TRRAP: variants seen among roughly 807,000 people sequenced by gnomAD.
The protein encoded by TRRAP is transformation/transcription domain-associated protein.
TRRAP carries 41 observed loss-of-function variants against 438.8 expected under a neutral mutation model. The observed-to-expected ratio is 0.09, with a 90% confidence interval of 0.07 to 0.12. The LOEUF (loss-of-function observed/expected upper bound fraction) is 0.12. Among genes scored for constraint, TRRAP ranks in the 10% least tolerant of loss-of-function variants. The probability of loss-of-function intolerance (pLI) is 1.00; values close to 1 mark genes in which losing one functional copy is unlikely to be tolerated. For missense variants in TRRAP, 3,122 were observed against 5,055.1 expected, an observed-to-expected ratio of 0.62 and a Z score of 11.60; for synonymous variants, 1,994 against 1,962.9, an observed-to-expected ratio of 1.02 and a Z score of -0.42.
rs1789497412 is a variant in TRRAP, at chr7:98,915,853, A to G, written c.2330A>G (p.Gln777Arg). 1 of 1,614,064 alleles carries G rather than the reference A, an allele frequency of 6.2e-7. No homozygotes were observed. The highest frequency in any genetic ancestry group is 8.5e-7 in the Non-Finnish European group (1 of 1,180,036). Residue 777 changes from glutamine (Q) to arginine (R), a missense_variant, in exon 19 of 73, where the codon CAG (glutamine) becomes CGG (arginine). Gln to Arg is a conservative substitution (Grantham distance 43). Transcript: ENST00000456197. ...GGAGGTAGCCACGATCTCTTGTATCAGGAGTTCTTGCCTCTCCTTCCAAAC... is the reference window on the plus strand; with the variant it reads ...GGAGGTAGCCACGATCTCTTGTATCGGGAGTTCTTGCCTCTCCTTCCAAAC... ...IGGGSHDLLYQEFLPLLPNLL... is the reference protein window; with the variant it reads ...IGGGSHDLLYREFLPLLPNLL...
At chr7:98,999,429 T>G in intron 67 of TRRAP, 2 of 1,019,710 alleles carry the variant, frequency 2.0e-6, no homozygotes, top group Admixed American at 3.6e-5. Context: ...TCCTCCAAAA[T>G]CTAGCTCTGA....
At chr7:98,911,774 C>CAA (rs113146131) in intron 17 of TRRAP, among the ~76,000 whole-genome samples, 1,112 of 91,396 alleles carry the variant, frequency 0.012, 10 homozygotes, top group African/African-American at 0.034. Flanking sequence ...CTCAAAATCT[C>CAA]AAAAAAAAAA....
At chr7:98,893,386 C>T (rs1162464494) in intron 5 of TRRAP, among the ~76,000 whole-genome samples, 22 of 152,192 alleles carry the variant, frequency 1.4e-4, no homozygotes, top group African/African-American at 4.8e-4. Context: ...GATATCATGC[C>T]CTCACAGGTC....
chr7:98,985,528 A>G (rs1479743151), intron 62 of TRRAP, among the ~76,000 whole-genome samples: 1 of 152,232 alleles, frequency 6.6e-6, no homozygotes. Flanking sequence ...TAGGAATCGT[A>G]TGGTCTGCAG....
chr7:98,893,230 G>T (rs1215270833), intron 5 of TRRAP, among the ~76,000 whole-genome samples: 13 of 152,186 alleles, frequency 8.5e-5, no homozygotes, highest in Admixed American at 8.5e-4. Flanking sequence ...GATTACAGGC[G>T]TGAGCCACCT....
Position 98,937,536 on chromosome 7 carries a change from T to G in TRRAP, c.4234-114T>G, listed in dbSNP as rs1378058031. ...TTCTGAAATAGTATATGATTAATAT[T>G]CCATCTTCCTAAAGGAGAACGGAAA... On this transcript the variant is annotated intron_variant, in intron 29 of 72. Transcript: ENST00000456197. 2.5e-6 allele frequency: 3 copies of G among 1,207,128 alleles called. No individual in the cohort carries two copies. In the Admixed American group the frequency reaches 9.2e-5, roughly 37 times the overall value. 74.8% of individuals were successfully genotyped at this position (1,207,128 alleles called of 1,614,324 possible).
At chr7:98,907,777 G>A (rs1339540055) in intron 13 of TRRAP, among the ~76,000 whole-genome samples, 9 of 148,336 alleles carry the variant, frequency 6.1e-5, no homozygotes, top group Admixed American at 5.4e-4. Context: ...GCTGCAGCAC[G>A]CCGCCCCCTA....
Position 98,917,408 on chromosome 7 carries a change from C to T in TRRAP, c.2366-15C>T. The T allele has an allele frequency of 2.5e-6, 4 of 1,611,074 alleles. No homozygotes were observed. The highest frequency in any genetic ancestry group is 1.1e-5 in the South Asian group (1 of 90,932). On this transcript the variant is annotated splice_polypyrimidine_tract_variant and intron_variant, in intron 19 of 72. Coordinates refer to ENST00000456197, the MANE Select transcript of TRRAP (RefSeq NM_001375524.1). ...GAGCGTCTTCCCTCTCTGATAGCTG[C>T]ACCCCCTTCCCTAGGGCTGAACATG... is the stretch of plus-strand genomic sequence containing the variant.
At position 98,949,447 on chromosome 7, in the gene TRRAP, C is replaced by T. The variant is rs1554417633; in HGVS notation, c.4819C>T (p.Leu1607=). 1 of 1,599,790 alleles carries T rather than the reference C, an allele frequency of 6.3e-7. No homozygotes were observed. Among genetic ancestry groups the T allele is most frequent in the East Asian group, 2.2e-5 (1 of 44,672 alleles). ...TTTAAAACACAAAGACGCCAGACCT[C>T]TGCGGGATGTGCTGGCTGCCAACCC... The part of the protein sequence containing the change: ...SFLKHKDARP[L]RDVLAANPNR... The change falls in exon 36 of 73, where the codon CTG becomes TTG. Residue 1607 remains leucine, a synonymous_variant. Transcript: ENST00000456197.
rs564995219 is a variant in TRRAP, at chr7:99,012,524, T to C, written c.*169T>C. ...CGTGTAAGAAAGGGAGAATATAGTT[T>C]TAGAGGAAGCTGAACTATGACGATG... On this transcript the variant is annotated 3_prime_UTR_variant, in exon 73 of 73. Transcript: ENST00000456197. This position sits in a 1 kb window ranked among gnomAD's most constrained non-coding sequence, Gnocchi z 5.9. 486 of 838,916 alleles carry C rather than the reference T, an allele frequency of 5.8e-4. No homozygotes were observed. Among genetic ancestry groups the C allele is most frequent in the East Asian group, 2.2e-4 (8 of 36,986 alleles). The allele number at this position is 838,916 out of a possible 1,614,324, so 52.0% of individuals were successfully genotyped here.
At chr7:98,906,091 C>T in intron 12 of TRRAP, 86 bp from the exon 13 acceptor site, 1 of 1,214,976 alleles carries the variant, frequency 8.2e-7, no homozygotes, top group Non-Finnish European at 1.2e-6. Context: ...GACTGGCGGG[C>T]TGGCTACTTC....
chr7:98,992,111 G>T (rs547944737), intron 64 of TRRAP, 26 bp from the exon 65 acceptor site: 1 of 1,610,890 alleles, frequency 6.2e-7, no homozygotes, highest in African/African-American at 1.3e-5. Flanking sequence ...GAGCAGCACT[G>T]TTTATAACAT....
chr7:98,886,432 A>C (rs1554403990), intron 3 of TRRAP, among the ~76,000 whole-genome samples: 2 of 152,082 alleles, frequency 1.3e-5, no homozygotes, highest in African/African-American at 2.4e-5. Context: ...ATATCTAGAG[A>C]GATATAGATA....
intron 49 of TRRAP, 132 bp downstream of exon 49, chr7:98,966,027 TA>T: frequency 9.4e-7 from 1 of 1,058,780 alleles, no homozygotes; most frequent in Non-Finnish European, 1.4e-6. Context: ...CATCTTTTCT[TA>T]ATTAAGATGG....
chr7:98,977,226 A>G, intron 56 of TRRAP, 150 bp downstream of exon 56: 3 of 1,098,590 alleles, frequency 2.7e-6, no homozygotes, highest in Non-Finnish European at 3.8e-6. Context: ...CAGTGGCACA[A>G]TCTCGGCTCA....
chr7:99,001,747 T>C lies in TRRAP; in HGVS notation c.10310-2443T>C, dbSNP rs527314782. Among the ~76,000 whole-genome samples the C allele has an allele frequency of 5.3e-5, 8 of 152,316 alleles. No individual in the cohort carries two copies. The South Asian group carries it at 1.7e-3, about 32-fold the overall frequency. ...CTCTAGCAGAGCTGCATGTGTGGGC[T>C]GCCAACCACATGTCTGTAAAGAGGT... is the stretch of plus-strand genomic sequence containing the variant. On this transcript the variant is annotated intron_variant, in intron 67 of 72. Coordinates refer to ENST00000456197, the MANE Select transcript of TRRAP (RefSeq NM_001375524.1).
Position 98,948,784 on chromosome 7 carries a change from G to A in TRRAP, c.4788+99G>A. On this transcript the variant is annotated intron_variant, in intron 35 of 72. Transcript: ENST00000456197. The surrounding 1 kb of genome is among the most constrained non-coding windows in gnomAD (Gnocchi z 4.9). ...TTCATATTTCACTATTCAGTGTCCT[G>A]GCTGCTTTTTTTTCAGATCCATTTG... 1 of 1,564,140 alleles carries A rather than the reference G, an allele frequency of 6.4e-7. No homozygotes were observed. The highest frequency in any genetic ancestry group is 8.6e-7 in the Non-Finnish European group (1 of 1,156,596).
chr7:98,946,364 C>G (rs1470927712), intron 33 of TRRAP, among the ~76,000 whole-genome samples: 2 of 152,114 alleles, frequency 1.3e-5, no homozygotes, highest in Non-Finnish European at 2.9e-5. Context: ...TAAAACCTTA[C>G]AGCTTGTCCC....
intron 3 of TRRAP, among the ~76,000 whole-genome samples, chr7:98,886,307 T>C (rs1187775020): frequency 1.3e-5 from 2 of 150,632 alleles, no homozygotes; most frequent in Admixed American, 1.3e-4. Flanking sequence ...ATCATAGATA[T>C]AGATATCTAT....
Sources: allele counts gnomAD v4.1 joint callset (sites outside exome capture counted in the v4.1 genomes callset), GRCh38; gene constraint gnomAD v4.1.1; non-coding constraint Gnocchi (gnomAD v3.1); transcripts MANE v1.5; gene names NCBI Gene and HGNC (gene_info 2026-07-23, HGNC 2026-07-21).